The following ADGRB2 variants were observed in gnomAD, a reference collection of about 807,000 sequenced individuals.
ADGRB2 encodes adhesion G protein-coupled receptor B2.
In ADGRB2, 47 loss-of-function variants were observed where a neutral mutation model predicts 178.7. The ratio of observed to expected loss-of-function variants is 0.26; its 90% CI spans 0.21 to 0.34. The LOEUF (loss-of-function observed/expected upper bound fraction) is 0.34, where lower values mean the gene tolerates loss of function less well. Ranked by LOEUF, ADGRB2 falls within the 10% of genes least tolerant of loss-of-function variation. The probability of loss-of-function intolerance (pLI) is 1.00; values close to 1 mark genes in which losing one functional copy is unlikely to be tolerated. For synonymous variants in ADGRB2, 870 were observed against 912.4 expected, an observed-to-expected ratio of 0.95 and a Z score of 0.84; for missense variants, 1,584 against 2,180.8, an observed-to-expected ratio of 0.73 and a Z score of 5.45.
chr1:31,743,229 C>G (rs548162042), intron 6 of ADGRB2, among the ~76,000 whole-genome samples: 2 of 152,178 alleles, frequency 1.3e-5, no homozygotes, highest in South Asian at 4.2e-4. Context: ...CATAGGACAG[C>G]CCCTGTGGAC....
At chr1:31,736,177 G>T in intron 22 of ADGRB2, 144 bp downstream of exon 22, 1 of 1,054,606 alleles carries the variant, frequency 9.5e-7, no homozygotes, top group Non-Finnish European at 1.4e-6. Flanking sequence ...CATTCCCTCA[G>T]TCAGGGAAAC....
Position 31,735,551 on chromosome 1 carries a change from A to T in ADGRB2, c.3353+29T>A, listed in dbSNP as rs1444507982. 1 of 1,608,414 alleles carries T rather than the reference A, an allele frequency of 6.2e-7. No individual in the cohort carries two copies. The highest frequency in any genetic ancestry group is 1.7e-5 in the Admixed American group (1 of 59,970). Reference sequence around the variant, plus strand: ...CTCCCTCCCTGCACCATTTCCAGAAAGGCCAAGTCTCAGAGGCCCCCCCCT... The same window carrying T: ...CTCCCTCCCTGCACCATTTCCAGAATGGCCAAGTCTCAGAGGCCCCCCCCT... On this transcript the variant is annotated intron_variant, in intron 24 of 32. Transcript: ENST00000373658. This position sits in a 1 kb window ranked among gnomAD's most constrained non-coding sequence, Gnocchi z 6.0.
chr1:31,742,848 A>C lies in ADGRB2; in HGVS notation c.1242T>G (p.Ala414=). The C allele has an allele frequency of 6.7e-7, 1 of 1,485,722 alleles. No homozygotes were observed. Among genetic ancestry groups the C allele is most frequent in the Non-Finnish European group, 9.0e-7 (1 of 1,108,602 alleles). The allele number at this position is 1,485,722 out of a possible 1,614,324, so 92.0% of individuals were successfully genotyped here. Residue 414 remains alanine, a synonymous_variant, in exon 7 of 33, where the codon GCT becomes GCG. Coordinates refer to ENST00000373658, the MANE Select transcript of ADGRB2 (RefSeq NM_001364857.2). Reference sequence around the variant, plus strand: ...ACGGGTGCTACTGACCCGGGCAGGCAGCCATACTGCAGAGCTTAGTCTGCA... The same window carrying C: ...ACGGGTGCTACTGACCCGGGCAGGCCGCCATACTGCAGAGCTTAGTCTGCA... ...PELQTKLCSM[A]ACPVEGQWLE...
chr1:31,739,669 GA>G (rs1378506793), intron 14 of ADGRB2, 34 bp from the exon 15 acceptor site: 1 of 1,545,120 alleles, frequency 6.5e-7, no homozygotes, highest in East Asian at 2.3e-5. Context: ...GAGACAGACA[GA>G]GGGGCAGAAA....
Position 31,740,245 on chromosome 1 carries a change from G to C in ADGRB2, c.1990-67C>G. 1.2e-6 allele frequency: 2 copies of C among 1,608,826 alleles called. No homozygotes were observed. The highest frequency in any genetic ancestry group is 8.5e-7 in the Non-Finnish European group (1 of 1,176,966). ...GGAACAGGGGGCTTCCCCCACTATA[G>C]CCACACTTGCCGCCTCTACAGCAGA... On this transcript the variant is annotated intron_variant, in intron 12 of 32. Coordinates refer to ENST00000373658, the MANE Select transcript of ADGRB2 (RefSeq NM_001364857.2). This position sits in a 1 kb window ranked among gnomAD's most constrained non-coding sequence, Gnocchi z 5.9.
intron 17 of ADGRB2, 65 bp downstream of exon 17, chr1:31,738,522 A>AC: frequency 6.4e-7 from 1 of 1,559,114 alleles, no homozygotes; most frequent in East Asian, 2.4e-5. Context: ...TAGGCAGGAG[A>AC]CCCCTTTCTG....
chr1:31,738,609 C>A lies in ADGRB2; in HGVS notation c.2623G>T (p.Ala875Ser). 1 of 1,611,474 alleles carries A rather than the reference C, an allele frequency of 6.2e-7. No individual in the cohort carries two copies. The highest frequency in any genetic ancestry group is 2.2e-5 in the East Asian group (1 of 44,802). ...CACGCTCTGGAGTAGTCCCAGCTGG[C>A]GCAATGGGGATCCGTGGTCCCCTGG... ...IINGTTDPHC[A>S]SWDYSRADAS... Residue 875 changes from alanine to serine, a missense_variant, in exon 17 of 33, where the codon GCC becomes TCC. By Grantham distance (99) the Ala-to-Ser change is moderately conservative. Around this residue, in one of 3 missense-constraint regions of ADGRB2, gnomAD observed 865 missense variants for 1,192.8 expected, o/e 0.73. Coordinates refer to ENST00000373658, the MANE Select transcript of ADGRB2 (RefSeq NM_001364857.2).
In ADGRB2 at chr1:31,744,100, G is replaced by A. The variant is rs1387464860; in HGVS notation, c.1087+93C>T. On this transcript the variant is annotated intron_variant, in intron 6 of 32. Coordinates refer to ENST00000373658, the MANE Select transcript of ADGRB2 (RefSeq NM_001364857.2). This position sits in a 1 kb window ranked among gnomAD's most constrained non-coding sequence, Gnocchi z 6.7. ...AGCCACATTTGTTGAATGAAAGGAG[G>A]AGGCAACCAACCATTTTGGAGATTA... 7.8e-6 allele frequency: 11 copies of A among 1,403,710 alleles called. No individual in the cohort carries two copies. Among genetic ancestry groups the A allele is most frequent in the East Asian group, 5.1e-5 (2 of 39,338 alleles). The allele number at this position is 1,403,710 out of a possible 1,614,324, so 87.0% of individuals were successfully genotyped here.
At position 31,764,066 on chromosome 1, in the gene ADGRB2, GGGGCGGGC is replaced by G; in HGVS notation, c.-381_-374del. On this transcript the variant is annotated 5_prime_UTR_variant, in exon 1 of 33. Coordinates refer to ENST00000373658, the MANE Select transcript of ADGRB2 (RefSeq NM_001364857.2). The surrounding 1 kb of genome is among the most constrained non-coding windows in gnomAD (Gnocchi z 7.3). ...CAGAAAAGGCGCCGCGGAGCAGCGC[GGGGCGGGC>G]GGGCGGGCGGCGCCGGGCCGGGCGC... The G allele has an allele frequency of 8.4e-5, 80 of 954,832 alleles. No individual in the cohort carries two copies. Among genetic ancestry groups the G allele is most frequent in the Non-Finnish European group, 9.4e-5 (76 of 806,468 alleles). 59.1% of individuals were successfully genotyped at this position (954,832 alleles called of 1,614,324 possible).
At chr1:31,749,587 G>A (rs1646453806) in intron 4 of ADGRB2, among the ~76,000 whole-genome samples, 1 of 152,194 alleles carries the variant, frequency 6.6e-6, no homozygotes, top group African/African-American at 2.4e-5. Context: ...ACAGAGATGT[G>A]GACTGTCTGG....
At chr1:31,747,402 T>C (rs1278494115) in intron 4 of ADGRB2, among the ~76,000 whole-genome samples, 1 of 152,192 alleles carries the variant, frequency 6.6e-6, no homozygotes, top group Non-Finnish European at 1.5e-5. Context: ...GCAGTTCTCC[T>C]GACCATCAAA....
chr1:31,750,889 A>G (rs966173404), intron 4 of ADGRB2, among the ~76,000 whole-genome samples: 5 of 151,392 alleles, frequency 3.3e-5, no homozygotes, highest in African/African-American at 7.3e-5. Context: ...GCCCCCCCCA[A>G]TAATTCTTCC....
chr1:31,747,009 C>G (rs1488370576), intron 4 of ADGRB2, among the ~76,000 whole-genome samples: 1 of 152,214 alleles, frequency 6.6e-6, no homozygotes, highest in Non-Finnish European at 1.5e-5. Context: ...CCCTGTTAAT[C>G]CACTGCAGTC....
Position 31,731,339 on chromosome 1 carries a change from C to G in ADGRB2, c.3841G>C (p.Glu1281Gln). The G allele has an allele frequency of 6.2e-7, 1 of 1,612,944 alleles. No homozygotes were observed. The highest frequency in any genetic ancestry group is 1.1e-5 in the South Asian group (1 of 91,042). ...GGGCCCACGAGGCAGGACTTGGGCT[C>G]CTCATCCTCATCCAGGGACAGGCGG... ...LSRLSLDEDE[E>Q]PKSCLVGPEG... Residue 1281 changes from glutamate to glutamine, a missense_variant, in exon 29 of 33, where the codon GAG becomes CAG. Around this residue, in one of 3 missense-constraint regions of ADGRB2, gnomAD observed 865 missense variants for 1,192.8 expected, o/e 0.73. Coordinates refer to ENST00000373658, the MANE Select transcript of ADGRB2 (RefSeq NM_001364857.2).
At position 31,744,918 on chromosome 1, in the gene ADGRB2, C is replaced by G. The variant is rs1454379664; in HGVS notation, c.839-187G>C. Reference sequence around the variant, plus strand: ...TTTCACAGACAAGGAAACTGAGGTTCAGAAGGCTACACAGGACTAGGCCCT... The same window carrying G: ...TTTCACAGACAAGGAAACTGAGGTTGAGAAGGCTACACAGGACTAGGCCCT... On this transcript the variant is annotated intron_variant, in intron 4 of 32. Coordinates refer to ENST00000373658, the MANE Select transcript of ADGRB2 (RefSeq NM_001364857.2). The surrounding 1 kb of genome is among the most constrained non-coding windows in gnomAD (Gnocchi z 6.7). Among the ~76,000 whole-genome samples, 1 of 152,226 alleles carries G rather than the reference C, an allele frequency of 6.6e-6. No individual in the cohort carries two copies. Among genetic ancestry groups the G allele is most frequent in the Non-Finnish European group, 1.5e-5 (1 of 68,028 alleles).
chr1:31,727,849 A>AC lies in ADGRB2; in HGVS notation c.4572+175dup. Reference sequence around the variant, plus strand: ...TCCCTCCCAATCCTGGAGGACCTCCACCCCTGTTCGCCATCTGCAGCACCT... The same window carrying AC: ...TCCCTCCCAATCCTGGAGGACCTCCACCCCCTGTTCGCCATCTGCAGCACCT... On this transcript the variant is annotated intron_variant, in intron 32 of 32. Transcript: ENST00000373658. The surrounding 1 kb of genome is among the most constrained non-coding windows in gnomAD (Gnocchi z 4.4). 1.0e-6 allele frequency: 1 copy of AC among 952,860 alleles called. No homozygotes were observed. The highest frequency in any genetic ancestry group is 1.7e-5 in the South Asian group (1 of 57,456). 59.0% of individuals were successfully genotyped at this position (952,860 alleles called of 1,614,324 possible).
Position 31,741,273 on chromosome 1 carries a change from G to C in ADGRB2, c.1794+100C>G. 7.9e-7 allele frequency: 1 copy of C among 1,271,658 alleles called. No individual in the cohort carries two copies. The highest frequency in any genetic ancestry group is 1.1e-6 in the Non-Finnish European group (1 of 908,838). The allele number at this position is 1,271,658 out of a possible 1,614,324, so 78.8% of individuals were successfully genotyped here. Reference sequence around the variant, plus strand: ...CCAGGCAGAAGTGGGCACAGCATATGCCAAGGCACGTGGGAACGAGCGAGA... The same window carrying C: ...CCAGGCAGAAGTGGGCACAGCATATCCCAAGGCACGTGGGAACGAGCGAGA... On this transcript the variant is annotated intron_variant, in intron 11 of 32. Transcript: ENST00000373658. This position sits in a 1 kb window ranked among gnomAD's most constrained non-coding sequence, Gnocchi z 6.5.
intron 6 of ADGRB2, 58 bp from the exon 7 acceptor site, chr1:31,743,060 C>A: frequency 7.4e-7 from 1 of 1,346,180 alleles, no homozygotes; most frequent in Non-Finnish European, 9.5e-7. Flanking sequence ...CCACCACCGG[C>A]GCCTGCCCAT....
chr1:31,735,987 G>C lies in ADGRB2; in HGVS notation c.3201-94C>G. The C allele has an allele frequency of 1.5e-6, 2 of 1,298,206 alleles. No homozygotes were observed. The highest frequency in any genetic ancestry group is 2.1e-6 in the Non-Finnish European group (2 of 943,606). 80.4% of individuals were successfully genotyped at this position (1,298,206 alleles called of 1,614,324 possible). A position where few individuals can be genotyped will look rare whatever the true frequency, so the allele number is the denominator to read the frequency against. On this transcript the variant is annotated intron_variant, in intron 22 of 32. Coordinates refer to ENST00000373658, the MANE Select transcript of ADGRB2 (RefSeq NM_001364857.2). This position sits in a 1 kb window ranked among gnomAD's most constrained non-coding sequence, Gnocchi z 6.0. ...TCAGTCCTCCCAGGCTGCCATGCCCGCATCACCAGTGCAGTCTGAGCCCCA... is the reference window on the plus strand; with the variant it reads ...TCAGTCCTCCCAGGCTGCCATGCCCCCATCACCAGTGCAGTCTGAGCCCCA...
Sources: gnomAD v4.1 joint callset for allele counts (sites outside exome capture counted in the v4.1 genomes callset) on GRCh38, gnomAD v4.1.1 for gene constraint, gnomAD v4.1.1 regional missense constraint, Gnocchi (gnomAD v3.1) non-coding constraint, MANE v1.5 for transcripts, NCBI Gene and HGNC (gene_info 2026-07-23, HGNC 2026-07-21) for gene names.